Variants in PLA2G6 observed in about 807,000 individuals in gnomAD.
PLA2G6 encodes 85/88 kDa calcium-independent phospholipase A2.
Under a neutral mutation model 83.8 loss-of-function variants are expected in PLA2G6, and 62 were observed. That is an observed-to-expected ratio of 0.74 (90% confidence interval 0.60 to 0.91). The LOEUF (loss-of-function observed/expected upper bound fraction) is 0.91. PLA2G6 is among the 40% of genes least tolerant of loss of function. The pLI is 0.00. For synonymous variants in PLA2G6, 417 were observed against 449.8 expected (o/e 0.93, Z 0.92); for missense variants, 944 against 1,102.0 (o/e 0.86, Z 2.03).
intron 5 of PLA2G6, 123 bp downstream of exon 5, chr22:38,139,859 C>T (rs2088790960): frequency 1.3e-6 from 1 of 787,380 alleles, no homozygotes; most frequent in Admixed American, 2.1e-5. Context: ...GAACCCGGGG[C>T]CTCTGCTCTG....
Position 38,132,759 on chromosome 22 carries a change from G to A in PLA2G6, c.1077+72C>T. ...TAGGAGGGAGACAGTGGGGAGGAGG[G>A]CTCCAGTCCGGACAGCCCTCCTGCA... On this transcript the variant is annotated intron_variant, in intron 7 of 16. Coordinates refer to ENST00000332509, the MANE Select transcript of PLA2G6 (RefSeq NM_003560.4). This position sits in a 1 kb window ranked among gnomAD's most constrained non-coding sequence, Gnocchi z 5.0. The A allele has an allele frequency of 1.5e-6, 2 of 1,316,916 alleles. No individual in the cohort carries two copies. Among genetic ancestry groups the A allele is most frequent in the South Asian group, 1.3e-5 (1 of 77,850 alleles). 81.6% of individuals were successfully genotyped at this position (1,316,916 alleles called of 1,614,324 possible). A position where few individuals can be genotyped will look rare whatever the true frequency, so the allele number is the denominator to read the frequency against.
At chr22:38,117,364 C>T (rs550875433) in intron 12 of PLA2G6, among the ~76,000 whole-genome samples, 4 of 152,146 alleles carry the variant, frequency 2.6e-5, no homozygotes, top group Admixed American at 2.6e-4. Context: ...CCCGCCACCA[C>T]GCCCGGCTAA....
At chr22:38,122,353 G>A (rs11089864) in intron 11 of PLA2G6, among the ~76,000 whole-genome samples, 1 of 152,124 alleles carries the variant, frequency 6.6e-6, no homozygotes, top group East Asian at 1.9e-4. Flanking sequence ...CAGGGGGTTG[G>A]GGGGAGCTGA....
chr22:38,132,217 G>A lies in PLA2G6; in HGVS notation c.1077+614C>T, dbSNP rs1034782271. The stretch of plus-strand genomic sequence containing the variant: ...CTCTAGATGTGTAACCAGACAGTAA[G>A]GGCTTTGAGGGCAGGAACTGTGTTC... On this transcript the variant is annotated intron_variant, in intron 7 of 16. Transcript: ENST00000332509. The surrounding 1 kb of genome is among the most constrained non-coding windows in gnomAD (Gnocchi z 5.0). 2.5e-5 allele frequency: 10 copies of A among 407,500 alleles called. No homozygotes were observed. The highest frequency in any genetic ancestry group is 2.1e-4 in the African/African-American group (10 of 48,224). 25.2% of individuals were successfully genotyped at this position (407,500 alleles called of 1,614,324 possible). A position where few individuals can be genotyped will look rare whatever the true frequency, so the allele number is the denominator to read the frequency against.
At chr22:38,145,170 T>C (rs1262075161) in intron 3 of PLA2G6, 4 of 448,650 alleles carry the variant, frequency 8.9e-6, no homozygotes, top group African/African-American at 6.0e-5. Flanking sequence ...GCATCCCAAG[T>C]AGCTAGGAGT....
chr22:38,128,355 A>T lies in PLA2G6; in HGVS notation c.1262T>A (p.Val421Asp). ...AEYCFPPIHG[V>D]PAEQGSAAPH... ...CGCTGCAGAGCCCTGCTCCGCGGGG[A>T]CCCCGTGGATGGGTGGGAAGCAGTA... The change falls in exon 9 of 17, where the codon GTC becomes GAC. Residue 421 changes from valine to aspartate, a missense_variant. Val to Asp is a radical substitution (Grantham distance 152). Transcript: ENST00000332509. The surrounding 1 kb of genome is among the most constrained non-coding windows in gnomAD (Gnocchi z 4.4). 1 of 1,613,430 alleles carries T rather than the reference A, an allele frequency of 6.2e-7. No homozygotes were observed. The highest frequency in any genetic ancestry group is 1.3e-5 in the African/African-American group (1 of 74,962).
intron 2 of PLA2G6, chr22:38,163,307 G>A (rs1356093849): frequency 6.3e-6 from 1 of 159,282 alleles, no homozygotes; most frequent in Non-Finnish European, 1.5e-5. Context: ...ACCCCTTAAG[G>A]TCTATCTCTA....
chr22:38,164,968 C>G (rs78435079), intron 2 of PLA2G6, among the ~76,000 whole-genome samples: 3 of 152,094 alleles, frequency 2.0e-5, no homozygotes, highest in African/African-American at 7.2e-5. Context: ...GATGACCCTC[C>G]TCCACAGCCT....
chr22:38,113,685 G>A (rs769109731), intron 14 of PLA2G6, 31 bp from the exon 15 acceptor site: 2 of 1,610,024 alleles, frequency 1.2e-6, no homozygotes, highest in East Asian at 2.2e-5. Context: ...GCAGTCAGAA[G>A]AGACCTTCCA....
chr22:38,152,178 T>C (rs1210194866), intron 2 of PLA2G6, among the ~76,000 whole-genome samples: 1 of 152,142 alleles, frequency 6.6e-6, no homozygotes, highest in African/African-American at 2.4e-5. Context: ...GTTTTCACTC[T>C]ATTAGTTCCT....
rs139539162 is a variant in PLA2G6 at position 38,180,665 on chromosome 22, C to T, written c.-46+999G>A. Among the ~76,000 whole-genome samples the T allele has an allele frequency of 1.4e-4, 21 of 152,274 alleles. No homozygotes were observed. In the East Asian group the frequency reaches 3.9e-3, roughly 28 times the overall value. ...CTTTCCCTTTCCACTCCTTTCAATT[C>T]TGCCTATGACCCAACAGTAAAATCA... On this transcript the variant is annotated intron_variant, in intron 1 of 16. Transcript: ENST00000332509.
At chr22:38,175,928 G>A (rs1162814639) in intron 1 of PLA2G6, among the ~76,000 whole-genome samples, 2 of 152,208 alleles carry the variant, frequency 1.3e-5, no homozygotes, top group East Asian at 3.9e-4. Context: ...ATAAGCCCAT[G>A]GGGCCAGCAC....
rs1401874519 is a variant in PLA2G6, at chr22:38,119,423, C to A, written c.1742+1336G>T. The stretch of plus-strand genomic sequence containing the variant: ...TTGGATTTCACCCTCATACAAAAAT[C>A]AATTCCAGGTTGATAAAAGACCTCA... On this transcript the variant is annotated intron_variant, in intron 12 of 16. Transcript: ENST00000332509. Among the ~76,000 whole-genome samples, 8 of 152,260 alleles carry A rather than the reference C, an allele frequency of 5.3e-5. No homozygotes were observed. The South Asian group carries it at 1.0e-3, about 20-fold the overall frequency.
Position 38,144,980 on chromosome 22 carries a change from T to C in PLA2G6, c.425+458A>G, listed in dbSNP as rs760338284. On this transcript the variant is annotated intron_variant, in intron 3 of 16. Coordinates refer to ENST00000332509, the MANE Select transcript of PLA2G6 (RefSeq NM_003560.4). ...GGCACCTGGTGAGCACTCCGGACTC[T>C]GGAAACATTACATTGTCCTTCTTAC... 28 of 364,106 alleles carry C rather than the reference T, an allele frequency of 7.7e-5. 1 individual carries two copies. The highest frequency in any genetic ancestry group is 6.0e-4 in the South Asian group (28 of 46,420). 22.6% of individuals were successfully genotyped at this position (364,106 alleles called of 1,614,324 possible).
At chr22:38,120,601 C>A (rs1253104488) in intron 12 of PLA2G6, among the ~76,000 whole-genome samples, 158 bp downstream of exon 12, 1 of 152,058 alleles carries the variant, frequency 6.6e-6, no homozygotes, top group Admixed American at 6.5e-5. Flanking sequence ...GAGAGCCACA[C>A]CCCAGCCCTC....
intron 12 of PLA2G6, chr22:38,116,548 T>A: frequency 2.4e-6 from 1 of 417,780 alleles, no homozygotes; most frequent in Non-Finnish European, 4.8e-6. Flanking sequence ...CAACACACAC[T>A]GCAGACGTTA....
intron 1 of PLA2G6, among the ~76,000 whole-genome samples, chr22:38,172,681 C>T (rs1396559412): frequency 3.3e-5 from 5 of 152,208 alleles, no homozygotes; most frequent in African/African-American, 7.2e-5. Context: ...ACCCCGAGGA[C>T]GGGCCCACAG....
At chr22:38,145,828 CACACA>C (rs1244239377) in intron 2 of PLA2G6, 175 bp from the exon 3 acceptor site, 42 of 649,594 alleles carry the variant, frequency 6.5e-5, no homozygotes, top group African/African-American at 2.0e-4. Context: ...CACACACACA[CACACA>C]CCCCTATACA....
At position 38,123,204 on chromosome 22, in the gene PLA2G6, G is replaced by A. The variant is rs573146214; in HGVS notation, c.1482C>T (p.Ile494=). The A allele has an allele frequency of 6.3e-5, 98 of 1,554,828 alleles. 1 individual carries two copies. The South Asian group carries it at 1.1e-3, about 18-fold the overall frequency. ...CCTTCTCGATGGCGATGAGGAGCTG[G>A]ATGATGATGAGGCCTTTCACTCCTC... The part of the protein sequence containing the change: ...DGGGVKGLII[I]QLLIAIEKAS... Residue 494 remains isoleucine, a synonymous_variant, in exon 11 of 17, where the codon ATC becomes ATT. Coordinates refer to ENST00000332509, the MANE Select transcript of PLA2G6 (RefSeq NM_003560.4). This position sits in a 1 kb window ranked among gnomAD's most constrained non-coding sequence, Gnocchi z 4.1.
Sources: allele counts gnomAD v4.1 joint callset (sites outside exome capture counted in the v4.1 genomes callset), GRCh38; gene constraint gnomAD v4.1.1; non-coding constraint Gnocchi (gnomAD v3.1); transcripts MANE v1.5; gene names NCBI Gene and HGNC (gene_info 2026-07-23, HGNC 2026-07-21).